Variants in EDA observed in about 807,000 individuals in gnomAD.
EDA encodes the protein ectodysplasin A, also known as ectodysplasin-A.
In EDA, 2 loss-of-function variants were observed where a neutral mutation model predicts 23.6. The ratio of observed to expected loss-of-function variants is 0.08; its 90% CI spans 0.03 to 0.27. EDA has a LOEUF of 0.27. Among genes scored for constraint, EDA ranks in the 10% least tolerant of loss-of-function variants. The pLI is 1.00. For missense variants in EDA, 229 were observed against 324.2 expected, an observed-to-expected ratio of 0.71 and a Z score of 2.26; for synonymous variants, 131 against 132.0, an observed-to-expected ratio of 0.99 and a Z score of 0.05.
intron 1 of EDA, among the ~76,000 whole-genome samples, chrX:69,776,196 G>A (rs912541842): frequency 1.8e-5 from 2 of 111,590 alleles, no homozygotes; most frequent in Non-Finnish European, 3.8e-5. Flanking sequence ...AGATGTGCAG[G>A]GGCTCAATTT....
chrX:70,033,864 C>T (rs2020231921), intron 7 of EDA, among the ~76,000 whole-genome samples: 1 of 111,878 alleles, frequency 8.9e-6, no homozygotes, highest in Admixed American at 9.4e-5. Context: ...CAAACTTGAA[C>T]TTGGTCTCAG....
At chrX:69,915,306 T>C (rs1299930816) in intron 1 of EDA, among the ~76,000 whole-genome samples, 1 of 111,559 alleles carries the variant, frequency 9.0e-6, no homozygotes, top group Non-Finnish European at 1.9e-5. Flanking sequence ...GTATTGTGAA[T>C]TAAAAAAGCA....
chrX:69,973,393 T>C (rs1033918045), intron 2 of EDA, among the ~76,000 whole-genome samples: 1 of 111,856 alleles, frequency 8.9e-6, no homozygotes, highest in African/African-American at 3.3e-5. Context: ...TGGCTATACC[T>C]ACTGCTACTG....
intron 1 of EDA, among the ~76,000 whole-genome samples, chrX:69,664,547 T>C (rs922858897): frequency 8.9e-6 from 1 of 112,191 alleles, no homozygotes; most frequent in African/African-American, 3.2e-5. Flanking sequence ...ACCTAATACA[T>C]CATGCAATAT....
intron 1 of EDA, among the ~76,000 whole-genome samples, chrX:69,655,762 C>CTATATATATATCTATATA (rs1555977669): frequency 1.9e-5 from 1 of 52,501 alleles, no homozygotes; most frequent in African/African-American, 1.1e-4. Flanking sequence ...TCATTAGAAT[C>CTATATATATATCTATATA]TATATATATA....
intron 1 of EDA, among the ~76,000 whole-genome samples, chrX:69,901,106 C>G (rs1478677431): frequency 1.8e-5 from 2 of 111,734 alleles, no homozygotes; most frequent in Admixed American, 9.5e-5. Flanking sequence ...TGAAGGAGAT[C>G]ATCCTACAGA....
intron 1 of EDA, among the ~76,000 whole-genome samples, chrX:69,701,455 C>T (rs891853934): frequency 2.4e-4 from 27 of 112,194 alleles, no homozygotes; most frequent in African/African-American, 7.8e-4. Flanking sequence ...TGTGGAGCTG[C>T]GGCCCTTGGG....
intron 1 of EDA, among the ~76,000 whole-genome samples, chrX:69,826,941 T>C (rs1376859119): frequency 4.4e-5 from 5 of 112,700 alleles, no homozygotes; most frequent in Admixed American, 2.8e-4. Context: ...AAGTATTTTA[T>C]TTCTCCTTCA....
chrX:69,921,918 G>A (rs1202976), intron 1 of EDA, among the ~76,000 whole-genome samples: 18,337 of 110,009 alleles, frequency 0.17, 1,423 homozygotes, highest in Non-Finnish European at 0.24. Context: ...GGAATATTTC[G>A]TCACCCTAAA....
At chrX:69,691,217 G>T (rs1187763507) in intron 1 of EDA, among the ~76,000 whole-genome samples, 1 of 111,444 alleles carries the variant, frequency 9.0e-6, no homozygotes, top group African/African-American at 3.3e-5. Flanking sequence ...TATAAAATGG[G>T]GCGATATGGC....
At chrX:70,016,472 A>G (rs761053055) in intron 2 of EDA, among the ~76,000 whole-genome samples, 107 of 111,487 alleles carry the variant, frequency 9.6e-4, no homozygotes, top group Non-Finnish European at 6.2e-4. Flanking sequence ...TCTAAAATTG[A>G]CCACACAATT....
At chrX:69,901,693 G>C (rs112399726) in intron 1 of EDA, among the ~76,000 whole-genome samples, 2,758 of 111,563 alleles carry the variant, frequency 0.025, 88 homozygotes, top group African/African-American at 0.086. Context: ...AACATTTAAA[G>C]GGGTAATATG....
At chrX:69,616,934 C>T in intron 1 of EDA, 1 of 444,511 alleles carries the variant, frequency 2.2e-6, no homozygotes, top group South Asian at 4.6e-5. Context: ...GTCTCGCGCG[C>T]GCCCGCGGCC....
intron 1 of EDA, among the ~76,000 whole-genome samples, chrX:69,761,636 TAAACA>T (rs1278998397): frequency 8.9e-6 from 1 of 112,270 alleles, no homozygotes; most frequent in African/African-American, 3.2e-5. Flanking sequence ...GCCATCATTA[TAAACA>T]TGAGTATTTT....
chrX:69,627,426 C>G (rs1417180490), intron 1 of EDA, among the ~76,000 whole-genome samples: 1 of 111,012 alleles, frequency 9.0e-6, no homozygotes, highest in East Asian at 2.8e-4. Context: ...ACAGATCATC[C>G]GTGGCAGTGG....
In EDA at chrX:69,993,777, A is replaced by G. The variant is rs578048776; in HGVS notation, c.503-29441A>G. 4.4e-4 allele frequency among the ~76,000 whole-genome samples: 49 copies of G among 112,185 alleles called. No homozygotes were observed. In the South Asian group the frequency reaches 5.3e-3, roughly 12 times the overall value. On this transcript the variant is annotated intron_variant, in intron 2 of 7. Coordinates refer to ENST00000374552, the MANE Select transcript of EDA (RefSeq NM_001399.5). ...CCTGACTAGTGCAAAACATCAGTCT[A>G]AGATGAGCTCCTGCTTCCTCTCTCA... is the stretch of plus-strand genomic sequence containing the variant.
At chrX:69,797,865 T>C (rs979880639) in intron 1 of EDA, among the ~76,000 whole-genome samples, 11 of 111,845 alleles carry the variant, frequency 9.8e-5, no homozygotes, top group Non-Finnish European at 1.7e-4. Flanking sequence ...ATAAAAGATA[T>C]AGACTGGCTG....
At chrX:69,887,719 A>G (rs974101606) in intron 1 of EDA, among the ~76,000 whole-genome samples, 12 of 112,063 alleles carry the variant, frequency 1.1e-4, no homozygotes, top group Non-Finnish European at 2.3e-4. Context: ...TAAGGCTACC[A>G]TGAGACTTCT....
chrX:69,972,792 C>T (rs1460306962), intron 2 of EDA, among the ~76,000 whole-genome samples: 1 of 111,445 alleles, frequency 9.0e-6, no homozygotes, highest in Non-Finnish European at 1.9e-5. Flanking sequence ...AGTTCTGTAT[C>T]CCCTTATGCA....
Sources: gnomAD v4.1 joint callset for allele counts (sites outside exome capture counted in the v4.1 genomes callset) on GRCh38, gnomAD v4.1.1 for gene constraint, MANE v1.5 for transcripts, NCBI Gene and HGNC (gene_info 2026-07-23, HGNC 2026-07-21) for gene names.